Variants in TSGA10 observed in about 807,000 individuals in gnomAD.
TSGA10 encodes testis specific 10, also known as testis-specific gene 10 protein.
TSGA10 carries 43 observed loss-of-function variants against 96.6 expected under a neutral mutation model. The observed-to-expected ratio is 0.44, with a 90% confidence interval of 0.35 to 0.57. The LOEUF is 0.57. Ranked by LOEUF, TSGA10 falls within the 20% of genes least tolerant of loss-of-function variation. TSGA10 has a pLI of 0.01. For missense variants in TSGA10, 703 were observed against 834.4 expected (o/e 0.84, Z 1.94); for synonymous variants, 229 against 269.9 (o/e 0.85, Z 1.48).
intron 12 of TSGA10, among the ~76,000 whole-genome samples, chr2:99,075,421 T>G (rs114243094): frequency 6.6e-6 from 1 of 152,164 alleles, no homozygotes; most frequent in Admixed American, 6.5e-5. Flanking sequence ...ATCTATGAAG[T>G]TGCCATTGAG....
At chr2:99,043,522 T>C (rs906886041) in intron 16 of TSGA10, among the ~76,000 whole-genome samples, 1 of 152,194 alleles carries the variant, frequency 6.6e-6, no homozygotes, top group Non-Finnish European at 1.5e-5. Context: ...AATTTTCATC[T>C]TCATATTTAG....
At chr2:99,108,752 G>C (rs1181313821) in intron 7 of TSGA10, 81 bp downstream of exon 7, 1 of 1,021,820 alleles carries the variant, frequency 9.8e-7, no homozygotes. Flanking sequence ...GGTTTAAGCA[G>C]TCTCATAAAA....
intron 20 of TSGA10, among the ~76,000 whole-genome samples, chr2:99,013,364 T>G (rs1382634681): frequency 2.0e-5 from 3 of 152,016 alleles, no homozygotes; most frequent in Non-Finnish European, 4.4e-5. Context: ...GATGTAATCT[T>G]CTCTGTTGCT....
chr2:99,122,602 A>C (rs939759758), intron 2 of TSGA10, among the ~76,000 whole-genome samples: 2 of 141,234 alleles, frequency 1.4e-5, no homozygotes, highest in South Asian at 2.2e-4. Context: ...ACATGGCAAA[A>C]CTCCATCTCT....
At chr2:99,116,507 T>C (rs922027721) in intron 4 of TSGA10, among the ~76,000 whole-genome samples, 1 of 152,012 alleles carries the variant, frequency 6.6e-6, no homozygotes, top group Non-Finnish European at 1.5e-5. Flanking sequence ...TAAAATGATA[T>C]GTCAAGTCAG....
chr2:99,020,362 A>G lies in TSGA10; in HGVS notation c.1735T>C (p.Tyr579His), dbSNP rs374247996. ...ALLVANRDKE[Y>H]QSQIALQEKE... ...TCTTGAAGTGCTATCTGAGACTGAT[A>G]TTCTTTGTCTCGATTGGCCACCAGC... The change falls in exon 18 of 21, where the codon TAT becomes CAT. Residue 579 changes from tyrosine to histidine, a missense_variant. By Grantham distance (83) the Tyr-to-His change is moderately conservative (BLOSUM62 2). Around this residue, in one of 3 missense-constraint regions of TSGA10, gnomAD observed 49 missense variants for 96.4 expected, o/e 0.51. Coordinates refer to ENST00000393483, the MANE Select transcript of TSGA10 (RefSeq NM_025244.4). 1.9e-6 allele frequency: 3 copies of G among 1,613,828 alleles called. No homozygotes were observed. The highest frequency in any genetic ancestry group is 1.7e-6 in the Non-Finnish European group (2 of 1,179,914).
intron 10 of TSGA10, among the ~76,000 whole-genome samples, chr2:99,099,249 T>C (rs1038354981): frequency 1.3e-5 from 2 of 152,074 alleles, no homozygotes; most frequent in Admixed American, 6.5e-5. Context: ...GAGGCGGAGG[T>C]TGCGGTGAGC....
At chr2:99,097,370 G>C (rs945585615) in intron 10 of TSGA10, among the ~76,000 whole-genome samples, 7 of 152,068 alleles carry the variant, frequency 4.6e-5, no homozygotes, top group Non-Finnish European at 1.0e-4. Flanking sequence ...TAAATGTACA[G>C]GTAAATCTAA....
intron 10 of TSGA10, among the ~76,000 whole-genome samples, chr2:99,086,710 G>A (rs980497214): frequency 4.6e-5 from 7 of 152,080 alleles, no homozygotes; most frequent in Non-Finnish European, 8.8e-5. Flanking sequence ...TTCTTCTGTT[G>A]AACACTGTAC....
chr2:99,001,758 T>G (rs566604071), intron 20 of TSGA10, among the ~76,000 whole-genome samples: 2 of 152,270 alleles, frequency 1.3e-5, no homozygotes, highest in African/African-American at 4.8e-5. Flanking sequence ...GACGAATGGC[T>G]AACTAGAATA....
At chr2:99,093,671 A>C (rs2089651594) in intron 10 of TSGA10, among the ~76,000 whole-genome samples, 1 of 152,108 alleles carries the variant, frequency 6.6e-6, no homozygotes, top group Non-Finnish European at 1.5e-5. Flanking sequence ...GAAAAAAAAA[A>C]CAACTTGGGA....
intron 10 of TSGA10, among the ~76,000 whole-genome samples, chr2:99,094,900 T>G (rs544806137): frequency 2.0e-4 from 31 of 152,246 alleles, no homozygotes; most frequent in African/African-American, 6.5e-4. Context: ...AACTACTGAG[T>G]GTCTACCCAG....
intron 1 of TSGA10, among the ~76,000 whole-genome samples, chr2:99,145,080 G>A (rs2093618716): frequency 1.3e-5 from 2 of 152,114 alleles, no homozygotes; most frequent in Non-Finnish European, 1.5e-5. Context: ...AAGATGTCAG[G>A]CAGGTCTACA....
Position 99,068,956 on chromosome 2 carries a change from C to A in TSGA10, c.1150G>T (p.Asp384Tyr). The A allele has an allele frequency of 6.8e-7, 1 of 1,472,554 alleles. No homozygotes were observed. The highest frequency in any genetic ancestry group is 1.6e-5 in the South Asian group (1 of 62,430). The allele number at this position is 1,472,554 out of a possible 1,614,324, so 91.2% of individuals were successfully genotyped here. The change falls in exon 15 of 21, where the codon GAC becomes TAC. Residue 384 changes from aspartate to tyrosine, a missense_variant. By Grantham distance (160) the Asp-to-Tyr change is radical (BLOSUM62 -3). Coordinates refer to ENST00000393483, the MANE Select transcript of TSGA10 (RefSeq NM_025244.4). ...GTATCTTGAACCTTCTGTTTTATGT[C>A]ATTAAGTTCATTATGAGTGTCATTC... ...KLNDTHNELNDIKQKVQDTNL... is the reference protein window; with the variant it reads ...KLNDTHNELNYIKQKVQDTNL...
At chr2:99,050,901 C>T (rs1256755222) in intron 16 of TSGA10, among the ~76,000 whole-genome samples, 2 of 152,008 alleles carry the variant, frequency 1.3e-5, no homozygotes, top group Non-Finnish European at 2.9e-5. Flanking sequence ...TTTTACTGTG[C>T]CTTTTCTATA....
intron 10 of TSGA10, among the ~76,000 whole-genome samples, chr2:99,089,510 C>G (rs540680534): frequency 6.6e-6 from 1 of 152,246 alleles, no homozygotes; most frequent in East Asian, 1.9e-4. Flanking sequence ...TAGCCTGGGG[C>G]AAGTTCTCAG....
At chr2:99,132,125 T>C (rs1165798520) in intron 1 of TSGA10, among the ~76,000 whole-genome samples, 1 of 152,204 alleles carries the variant, frequency 6.6e-6, no homozygotes, top group Non-Finnish European at 1.5e-5. Flanking sequence ...ATCAGGATGA[T>C]GCTGGACTCA....
intron 10 of TSGA10, among the ~76,000 whole-genome samples, chr2:99,085,539 G>T (rs2104629511): frequency 6.8e-6 from 1 of 147,332 alleles, no homozygotes; most frequent in South Asian, 2.2e-4. Context: ...TGCCTGAGAG[G>T]TCAAGGCTGC....
At chr2:99,095,696 A>G (rs572521243) in intron 10 of TSGA10, among the ~76,000 whole-genome samples, 1 of 152,216 alleles carries the variant, frequency 6.6e-6, no homozygotes, top group Non-Finnish European at 1.5e-5. Flanking sequence ...GCTGTAGTAC[A>G]GTGGTGCAAT....
Sources: gnomAD v4.1 joint callset for allele counts (sites outside exome capture counted in the v4.1 genomes callset) on GRCh38, gnomAD v4.1.1 for gene constraint, gnomAD v4.1.1 regional missense constraint, MANE v1.5 for transcripts, NCBI Gene and HGNC (gene_info 2026-07-23, HGNC 2026-07-21) for gene names.